Variants in MAP1LC3B2 observed in about 807,000 individuals in gnomAD.
The protein encoded by MAP1LC3B2 is microtubule-associated protein 1 light chain 3 beta 2.
For synonymous variants in MAP1LC3B2, 62 were observed against 57.8 expected (o/e 1.07, Z -0.33); for missense variants, 155 against 154.6 (o/e 1.00, Z -0.01).
At chr12:116,573,919 G>A (rs1161338954) in intron 1 of MAP1LC3B2, among the ~76,000 whole-genome samples, 1 of 152,216 alleles carries the variant, frequency 6.6e-6, no homozygotes, top group African/African-American at 2.4e-5. Context: ...TGGCCAACGA[G>A]CATATGAAAA....
At position 116,576,056 on chromosome 12, in the gene MAP1LC3B2, C is replaced by T. The variant is rs376474136; in HGVS notation, c.114C>T (p.Tyr38=). ...AAATCCCGGTGATAATAGAACGATACAAGGGTGAGAAGCAGCTTCCTGTTC... is the reference window on the plus strand; with the variant it reads ...AAATCCCGGTGATAATAGAACGATATAAGGGTGAGAAGCAGCTTCCTGTTC... The part of the protein sequence containing the change: ...PTKIPVIIER[Y]KGEKQLPVLD... Residue 38 remains tyrosine, a synonymous_variant, in exon 2 of 2, where the codon TAC becomes TAT. Transcript: ENST00000556529. 1.4e-5 allele frequency: 23 copies of T among 1,614,084 alleles called. No individual in the cohort carries two copies. The African/African-American group carries it at 2.9e-4, about 21-fold the overall frequency.
At chr12:116,566,564 T>C (rs556408024) in intron 1 of MAP1LC3B2, among the ~76,000 whole-genome samples, 2 of 145,918 alleles carry the variant, frequency 1.4e-5, no homozygotes, top group East Asian at 4.0e-4. Flanking sequence ...ATCATACCCA[T>C]TTCAGAGATG....
intron 1 of MAP1LC3B2, 33 bp downstream of exon 1, chr12:116,559,466 G>A (rs1198171614): frequency 2.0e-5 from 3 of 152,330 alleles, no homozygotes; most frequent in African/African-American, 7.2e-5. Context: ...CAGCCCCAGG[G>A]TGGAAATCAT....
At chr12:116,570,329 A>G (rs1335482052) in intron 1 of MAP1LC3B2, among the ~76,000 whole-genome samples, 1 of 152,204 alleles carries the variant, frequency 6.6e-6, no homozygotes, top group African/African-American at 2.4e-5. Flanking sequence ...AGCATTCAAT[A>G]AACATGAGAT....
At position 116,576,433 on chromosome 12, in the gene MAP1LC3B2, T is replaced by C. The variant is rs189499736; in HGVS notation, c.*113T>C. 36 of 1,469,158 alleles carry C rather than the reference T, an allele frequency of 2.5e-5. No individual in the cohort carries two copies. Among genetic ancestry groups the C allele is most frequent in the Non-Finnish European group, 3.0e-5 (33 of 1,089,818 alleles). The allele number at this position is 1,469,158 out of a possible 1,614,324, so 91.0% of individuals were successfully genotyped here. ...CATCTAATCACAGATCATCAAACAGTAGTGTTCCCACCTAGGAGTGTTAGG... is the reference window on the plus strand; with the variant it reads ...CATCTAATCACAGATCATCAAACAGCAGTGTTCCCACCTAGGAGTGTTAGG... On this transcript the variant is annotated 3_prime_UTR_variant, in exon 2 of 2. Transcript: ENST00000556529.
chr12:116,561,854 T>C (rs1232645969), intron 1 of MAP1LC3B2, among the ~76,000 whole-genome samples: 4 of 152,250 alleles, frequency 2.6e-5, no homozygotes, highest in Non-Finnish European at 5.9e-5. Context: ...GAGGCTGGAC[T>C]CTGTGCTTCT....
chr12:116,573,354 G>A (rs1313279200), intron 1 of MAP1LC3B2, among the ~76,000 whole-genome samples: 5 of 152,156 alleles, frequency 3.3e-5, no homozygotes, highest in Admixed American at 2.6e-4. Flanking sequence ...CTGAGATTCT[G>A]ATAAGGCAAA....
intron 1 of MAP1LC3B2, among the ~76,000 whole-genome samples, chr12:116,560,490 G>A (rs1279669016): frequency 2.6e-5 from 4 of 151,650 alleles, no homozygotes; most frequent in South Asian, 2.1e-4. Context: ...CAAGTGATCC[G>A]CCCACCTCGG....
At chr12:116,560,392 G>A (rs376606303) in intron 1 of MAP1LC3B2, among the ~76,000 whole-genome samples, 1 of 151,576 alleles carries the variant, frequency 6.6e-6, no homozygotes, top group East Asian at 1.9e-4. Flanking sequence ...GGGATTACAG[G>A]TGCGCCACCA....
chr12:116,564,746 CTT>C (rs992526841), intron 1 of MAP1LC3B2, among the ~76,000 whole-genome samples: 2 of 152,202 alleles, frequency 1.3e-5, no homozygotes, highest in African/African-American at 4.8e-5. Context: ...TTGCCTGGGA[CTT>C]TGCGTCACAA....
intron 1 of MAP1LC3B2, among the ~76,000 whole-genome samples, chr12:116,562,240 G>C (rs1401336398): frequency 1.3e-5 from 2 of 152,210 alleles, no homozygotes; most frequent in African/African-American, 4.8e-5. Flanking sequence ...TAGTGGGAGA[G>C]TCCTGACAAC....
intron 1 of MAP1LC3B2, among the ~76,000 whole-genome samples, chr12:116,571,997 C>CCTAACTTGT (rs1405789230): frequency 3.3e-5 from 5 of 151,268 alleles, no homozygotes; most frequent in Non-Finnish European, 5.9e-5. Context: ...GAAACTTGTC[C>CCTAACTTGT]TCTTACATTG....
chr12:116,560,188 C>CTATATATATA (rs56727893), intron 1 of MAP1LC3B2: 2 of 88,442 alleles, frequency 2.3e-5, no homozygotes, highest in Non-Finnish European at 2.3e-5. Flanking sequence ...CTAAGTTTGG[C>CTATATATATA]TATATATATA....
chr12:116,568,502 C>T (rs975282875), intron 1 of MAP1LC3B2, among the ~76,000 whole-genome samples: 4 of 152,170 alleles, frequency 2.6e-5, no homozygotes, highest in African/African-American at 7.2e-5. Context: ...GGGATGCCCT[C>T]TGGCTCCACT....
At chr12:116,560,641 C>T (rs1366482930) in intron 1 of MAP1LC3B2, among the ~76,000 whole-genome samples, 1 of 152,078 alleles carries the variant, frequency 6.6e-6, no homozygotes, top group East Asian at 1.9e-4. Flanking sequence ...TGCTGCAGCA[C>T]CTGTGAATGT....
chr12:116,575,814 C>G, intron 1 of MAP1LC3B2, 28 bp from the exon 2 acceptor site: 1 of 1,010,260 alleles, frequency 9.9e-7, no homozygotes, highest in South Asian at 1.4e-5. Context: ...CACAACTACT[C>G]AGCTCTGTTG....
At chr12:116,569,816 C>G (rs1192315259) in intron 1 of MAP1LC3B2, among the ~76,000 whole-genome samples, 1 of 152,100 alleles carries the variant, frequency 6.6e-6, no homozygotes, top group Admixed American at 6.6e-5. Context: ...AGCACTCTGG[C>G]AGGCCTAGGT....
In MAP1LC3B2 at chr12:116,576,267, C is replaced by T. The variant is rs1168708266; in HGVS notation, c.325C>T (p.Leu109=). The change falls in exon 2 of 2, where the codon CTG becomes TTG. Residue 109 remains leucine, a synonymous_variant. Coordinates refer to ENST00000556529, the MANE Select transcript of MAP1LC3B2 (RefSeq NM_001085481.3). ...YESEKDEDGF[L]YMVCASQETF... ...GAGTGAGAAAGATGAAGATGGATTCCTGTACATGGTCTGTGCCTCCCAGGA... is the reference window on the plus strand; with the variant it reads ...GAGTGAGAAAGATGAAGATGGATTCTTGTACATGGTCTGTGCCTCCCAGGA... The T allele has an allele frequency of 6.2e-7, 1 of 1,614,120 alleles. No individual in the cohort carries two copies. Among genetic ancestry groups the T allele is most frequent in the East Asian group, 2.2e-5 (1 of 44,884 alleles).
At chr12:116,575,794 C>A in intron 1 of MAP1LC3B2, 48 bp from the exon 2 acceptor site, 2 of 813,902 alleles carry the variant, frequency 2.5e-6, no homozygotes, top group Non-Finnish European at 3.9e-6. Flanking sequence ...GTAACATATA[C>A]AGTTTCTGCC....
Sources: gnomAD v4.1 joint callset for allele counts (sites outside exome capture counted in the v4.1 genomes callset) on GRCh38, gnomAD v4.1.1 for gene constraint, MANE v1.5 for transcripts, NCBI Gene and HGNC (gene_info 2026-07-23, HGNC 2026-07-21) for gene names.